The following LINGO2 variants were observed in gnomAD, a reference collection of about 807,000 sequenced individuals.
LINGO2 encodes leucine-rich repeat and immunoglobulin-like domain-containing nogo receptor-interacting protein 2.
A neutral mutation model predicts 30.6 loss-of-function variants in LINGO2; 14 were observed. The ratio of observed to expected loss-of-function variants is 0.46; its 90% CI spans 0.30 to 0.72. The LOEUF (loss-of-function observed/expected upper bound fraction) is 0.72, where lower values mean the gene tolerates loss of function less well. LINGO2 is among the 30% of genes least tolerant of loss of function. The pLI is 0.07. For missense variants in LINGO2, 729 were observed against 751.7 expected, an observed-to-expected ratio of 0.97 and a Z score of 0.35; for synonymous variants, 317 against 288.5, an observed-to-expected ratio of 1.10 and a Z score of -1.00.
chr9:29,090,279 T>C, the LINGO2 span, among the ~76,000 whole-genome samples: 2 of 152,016 alleles, frequency 1.3e-5, no homozygotes, highest in Admixed American at 1.3e-4. Flanking sequence ...TCAAGTGCCA[T>C]TATTCTACCA....
At chr9:28,238,112 G>T (rs117499770) in intron 4 of LINGO2, among the ~76,000 whole-genome samples, 2,622 of 151,778 alleles carry the variant, frequency 0.017, 33 homozygotes, top group Admixed American at 0.028. Flanking sequence ...ATCCAACACT[G>T]CAGCACCCAG....
intron 4 of LINGO2, among the ~76,000 whole-genome samples, chr9:28,190,537 CTCTCGTT>C (rs1819787114): frequency 6.6e-6 from 1 of 152,140 alleles, no homozygotes; most frequent in Non-Finnish European, 1.5e-5. Context: ...CCAGAGAGTT[CTCTCGTT>C]TCTTCTGCAA....
At chr9:28,674,765 T>C (rs1202281046), upstream of LINGO2, among the ~76,000 whole-genome samples, 2 of 152,172 alleles carry the variant, frequency 1.3e-5, no homozygotes, top group African/African-American at 4.8e-5. Context: ...CTTTAACACA[T>C]GATGCAGAAC....
At chr9:28,997,507 T>C in the LINGO2 span, among the ~76,000 whole-genome samples, 23 of 152,188 alleles carry the variant, frequency 1.5e-4, no homozygotes, top group Admixed American at 5.9e-4. Flanking sequence ...GCCCCAGTAA[T>C]ACATAAGAAG....
At chr9:27,959,978 G>A (rs1819756338) in intron 5 of LINGO2, among the ~76,000 whole-genome samples, 1 of 151,954 alleles carries the variant, frequency 6.6e-6, no homozygotes, top group Admixed American at 6.6e-5. Flanking sequence ...GATTTCTGAT[G>A]TATAAATCAT....
chr9:28,161,410 A>G (rs1477580201), intron 4 of LINGO2, among the ~76,000 whole-genome samples: 1 of 152,168 alleles, frequency 6.6e-6, no homozygotes, highest in East Asian at 1.9e-4. Flanking sequence ...AAAGTGCAAA[A>G]GATATAAGTG....
At chr9:28,760,898 A>G in the LINGO2 span, among the ~76,000 whole-genome samples, 2 of 149,150 alleles carry the variant, frequency 1.3e-5, no homozygotes, top group Non-Finnish European at 3.0e-5. Flanking sequence ...ATATGTGTAT[A>G]TATATGTATA....
At chr9:28,217,649 C>A (rs1339473043) in intron 4 of LINGO2, among the ~76,000 whole-genome samples, 1 of 151,874 alleles carries the variant, frequency 6.6e-6, no homozygotes, top group Non-Finnish European at 1.5e-5. Context: ...ATATTGTCTC[C>A]TTTATTGCCT....
At chr9:28,858,741 A>G in the LINGO2 span, among the ~76,000 whole-genome samples, 1 of 152,084 alleles carries the variant, frequency 6.6e-6, no homozygotes, top group East Asian at 1.9e-4. Flanking sequence ...GAGCACATAA[A>G]TATTTCATGA....
At chr9:28,760,514 A>C in the LINGO2 span, among the ~76,000 whole-genome samples, 188 of 152,012 alleles carry the variant, frequency 1.2e-3, 2 homozygotes, top group African/African-American at 4.3e-3. Context: ...TTAATTTTTT[A>C]TTTTACCATA....
intron 3 of LINGO2, among the ~76,000 whole-genome samples, chr9:28,315,422 G>T (rs981356889): frequency 1.3e-5 from 2 of 148,582 alleles, no homozygotes; most frequent in African/African-American, 4.9e-5. Context: ...AAAAAAAAAT[G>T]ACACACTCTT....
chr9:28,533,352 T>A (rs1821308141), intron 1 of LINGO2, among the ~76,000 whole-genome samples: 1 of 152,092 alleles, frequency 6.6e-6, no homozygotes, highest in Non-Finnish European at 1.5e-5. Context: ...CAGACGGGCT[T>A]CCTGATTCTT....
chr9:28,639,652 C>G (rs1254808056), intron 1 of LINGO2, among the ~76,000 whole-genome samples: 1 of 151,676 alleles, frequency 6.6e-6, no homozygotes, highest in Non-Finnish European at 1.5e-5. Context: ...CCCCTGCCTT[C>G]TTTTGTTTTC....
intron 4 of LINGO2, among the ~76,000 whole-genome samples, chr9:28,091,602 A>G (rs953546218): frequency 6.6e-6 from 1 of 152,222 alleles, no homozygotes; most frequent in Admixed American, 6.5e-5. Flanking sequence ...AATCCCTAGA[A>G]GAAAACCTAG....
At position 28,461,209 on chromosome 9, in the gene LINGO2, C is replaced by T. The variant is rs148018830; in HGVS notation, c.-279+14731G>A. Among the ~76,000 whole-genome samples the T allele has an allele frequency of 9.9e-4, 151 of 152,128 alleles. No individual in the cohort carries two copies. The Middle Eastern group carries it at 0.027, about 28-fold the overall frequency. On this transcript the variant is annotated intron_variant, in intron 2 of 5. Transcript: ENST00000379992. ...AGGAATACAAATCAAAATAATGTTC[C>T]GGATGGGCTTTTTGAAACATATTAT... is the stretch of plus-strand genomic sequence containing the variant.
At chr9:28,922,107 T>A in the LINGO2 span, among the ~76,000 whole-genome samples, 3 of 152,206 alleles carry the variant, frequency 2.0e-5, no homozygotes, top group African/African-American at 7.2e-5. Flanking sequence ...TTCCTCCACA[T>A]TTCTGCATAT....
chr9:28,082,411 G>C (rs1277263779), intron 4 of LINGO2, among the ~76,000 whole-genome samples: 1 of 152,066 alleles, frequency 6.6e-6, no homozygotes, highest in African/African-American at 2.4e-5. Context: ...GTGTGATTAT[G>C]GGTCAAACTT....
At chr9:28,104,271 T>TTTTTTTTTTTTTTTTTG (rs1826511508) in intron 4 of LINGO2, among the ~76,000 whole-genome samples, 1 of 146,676 alleles carries the variant, frequency 6.8e-6, no homozygotes, top group Non-Finnish European at 1.5e-5. Context: ...TGTTTGTTTT[T>TTTTTTTTTTTTTTTTTG]TTTTTTTTTT....
At chr9:28,669,648 A>G (rs1828938145) in intron 1 of LINGO2, among the ~76,000 whole-genome samples, 1 of 152,098 alleles carries the variant, frequency 6.6e-6, no homozygotes. Context: ...ACATTCCAAG[A>G]AAAGGAAGTC....
Sources: allele counts gnomAD v4.1 joint callset (sites outside exome capture counted in the v4.1 genomes callset), GRCh38; gene constraint gnomAD v4.1.1; transcripts MANE v1.5; gene names NCBI Gene and HGNC (gene_info 2026-07-23, HGNC 2026-07-21).